The following SRD5A3 variants were observed in gnomAD, a reference collection of about 807,000 sequenced individuals.
The protein encoded by SRD5A3 is polyprenal reductase.
In SRD5A3, 24 loss-of-function variants were observed where a neutral mutation model predicts 34.3. The observed-to-expected ratio is 0.70, with a 90% confidence interval of 0.51 to 0.99. SRD5A3 has a LOEUF of 0.99. Among genes scored for constraint, SRD5A3 ranks in the 50% least tolerant of loss-of-function variants. The probability of loss-of-function intolerance (pLI) is 0.00; values close to 1 mark genes in which losing one functional copy is unlikely to be tolerated. For missense variants in SRD5A3, 350 were observed against 388.2 expected, an observed-to-expected ratio of 0.90 and a Z score of 0.83; for synonymous variants, 161 against 167.3, an observed-to-expected ratio of 0.96 and a Z score of 0.29.
At chr4:55,358,166 TC>T in intron 1 of SRD5A3, among the ~76,000 whole-genome samples, 6 of 152,068 alleles carry the variant, frequency 3.9e-5, no homozygotes, top group African/African-American at 1.4e-4. Context: ...CGCCAGGCAC[TC>T]AATAGAGTCA....
At chr4:55,362,266 T>G (rs1301800124) in intron 2 of SRD5A3, among the ~76,000 whole-genome samples, 2 of 151,880 alleles carry the variant, frequency 1.3e-5, no homozygotes, top group African/African-American at 2.4e-5. Flanking sequence ...TAGCTGGGAC[T>G]ACAGGCATGC....
chr4:55,351,270 C>T (rs1328847339), intron 1 of SRD5A3, among the ~76,000 whole-genome samples: 2 of 151,972 alleles, frequency 1.3e-5, no homozygotes, highest in East Asian at 1.9e-4. Context: ...CGGAGTTTCA[C>T]CATGTTGGCC....
intron 2 of SRD5A3, among the ~76,000 whole-genome samples, chr4:55,362,411 C>T (rs1455814393): frequency 6.6e-6 from 1 of 151,978 alleles, no homozygotes; most frequent in African/African-American, 2.4e-5. Flanking sequence ...CAGGCATGAG[C>T]CACCGCATCC....
In SRD5A3 at chr4:55,370,385, G is replaced by A; in HGVS notation, c.*294G>A. ...AAAGTAGATGAGACTTCTCCAAGCT[G>A]CTTCACAAGCAAACTAACCGAAAAA... On this transcript the variant is annotated 3_prime_UTR_variant, in exon 5 of 5. Coordinates refer to ENST00000264228, the MANE Select transcript of SRD5A3 (RefSeq NM_024592.5). 1 of 428,890 alleles carries A rather than the reference G, an allele frequency of 2.3e-6. No homozygotes were observed. The highest frequency in any genetic ancestry group is 4.3e-6 in the Non-Finnish European group (1 of 234,108). The allele number at this position is 428,890 out of a possible 1,614,324, so 26.6% of individuals were successfully genotyped here.
chr4:55,360,753 A>G (rs567655457), intron 2 of SRD5A3, among the ~76,000 whole-genome samples: 3 of 150,326 alleles, frequency 2.0e-5, no homozygotes, highest in Non-Finnish European at 3.0e-5. Flanking sequence ...CAATGGTGCA[A>G]TCTTGGCTCA....
chr4:55,362,962 C>T lies in SRD5A3; in HGVS notation c.365-1112C>T, dbSNP rs71599683. On this transcript the variant is annotated intron_variant, in intron 2 of 4. Transcript: ENST00000264228. ...CCAGGTTCAAGCAGTTCTACTACCTCAGCCTGCCAAGTAGCTGGTTCTACA... is the reference window on the plus strand; with the variant it reads ...CCAGGTTCAAGCAGTTCTACTACCTTAGCCTGCCAAGTAGCTGGTTCTACA... 7.5e-3 allele frequency among the ~76,000 whole-genome samples: 1,133 copies of T among 151,356 alleles called. 6 individuals are homozygous for T. Among genetic ancestry groups the T allele is most frequent in the Non-Finnish European group, 0.013 (858 of 67,870 alleles).
At chr4:55,346,730 C>G (rs1252686947) in intron 1 of SRD5A3, among the ~76,000 whole-genome samples, 173 bp downstream of exon 1, 1 of 152,164 alleles carries the variant, frequency 6.6e-6, no homozygotes, top group Non-Finnish European at 1.5e-5. Flanking sequence ...CATGCCCCGG[C>G]TGCTGCGTGG....
intron 1 of SRD5A3, among the ~76,000 whole-genome samples, chr4:55,355,267 G>A (rs924808741): frequency 7.2e-5 from 11 of 152,122 alleles, no homozygotes; most frequent in Admixed American, 3.3e-4. Flanking sequence ...GACCATCCTG[G>A]CTAACACGGT....
At chr4:55,358,321 A>C (rs1719547047) in intron 1 of SRD5A3, among the ~76,000 whole-genome samples, 2 of 152,100 alleles carry the variant, frequency 1.3e-5, no homozygotes, top group Non-Finnish European at 1.5e-5. Context: ...TCTTGAGCCC[A>C]GGAGTTTGAG....
Position 55,366,805 on chromosome 4 carries a change from G to A in SRD5A3, c.563-783G>A, listed in dbSNP as rs567278416. The A allele has an allele frequency of 4.6e-5, 7 of 152,454 alleles. No homozygotes were observed. In the East Asian group the frequency reaches 9.6e-4, roughly 21 times the overall value. The allele number at this position is 152,454 out of a possible 1,614,324, so 9.4% of individuals were successfully genotyped here. ...GACTAGGCTAACTGCTTCCTGCTGC[G>A]CAGAGGGAAGTCCCTGTTTGCTTTT... On this transcript the variant is annotated intron_variant, in intron 3 of 4. Coordinates refer to ENST00000264228, the MANE Select transcript of SRD5A3 (RefSeq NM_024592.5).
intron 1 of SRD5A3, among the ~76,000 whole-genome samples, chr4:55,357,670 G>A (rs1490781356): frequency 1.3e-5 from 2 of 152,216 alleles, no homozygotes; most frequent in Non-Finnish European, 2.9e-5. Flanking sequence ...TGTTCTGTGT[G>A]GCCAGAGATG....
chr4:55,348,983 A>C (rs1443562392), intron 1 of SRD5A3, among the ~76,000 whole-genome samples: 1 of 152,194 alleles, frequency 6.6e-6, no homozygotes, highest in African/African-American at 2.4e-5. Flanking sequence ...TGGTAACGTT[A>C]ACCTTGATAC....
chr4:55,369,947 G>C lies in SRD5A3; in HGVS notation c.813G>C (p.Gly271=), dbSNP rs1251777116. 7.4e-6 allele frequency: 12 copies of C among 1,613,998 alleles called. No homozygotes were observed. Among genetic ancestry groups the C allele is most frequent in the Non-Finnish European group, 9.3e-6 (11 of 1,180,048 alleles). Residue 271 remains glycine, a synonymous_variant, in exon 5 of 5, where the codon GGG becomes GGC. Transcript: ENST00000264228. ...ACGTTTCCATGGCCGTCACCTTTGG[G>C]TTCCACAACTTAACTTGGTGGCTAG... The part of the protein sequence containing the change: ...MIYVSMAVTF[G]FHNLTWWLVV...
intron 1 of SRD5A3, chr4:55,359,048 C>T (rs919892535): frequency 1.3e-4 from 52 of 389,074 alleles, no homozygotes; most frequent in Admixed American, 4.2e-4. Flanking sequence ...GAGTCCAATT[C>T]TGTTACCCAG....
In SRD5A3 at chr4:55,346,377, C is replaced by G. The variant is rs772938964; in HGVS notation, c.41C>G (p.Pro14Arg). 15 of 1,568,204 alleles carry G rather than the reference C, an allele frequency of 9.6e-6. No individual in the cohort carries two copies. Among genetic ancestry groups the G allele is most frequent in the Non-Finnish European group, 1.3e-5 (15 of 1,159,840 alleles). ...WAEAEHSALNPLRAVWLTLTA... is the reference protein window; with the variant it reads ...WAEAEHSALNRLRAVWLTLTA... The stretch of plus-strand genomic sequence containing the variant: ...GAGGCCGAGCACTCGGCGCTGAACC[C>G]GCTGCGCGCGGTGTGGCTCACGCTG... Residue 14 changes from proline (P) to arginine (R), a missense_variant, in exon 1 of 5, where the codon CCG (proline) becomes CGG (arginine). Pro to Arg is a moderately radical substitution (Grantham distance 103). Around this residue, in one of 3 missense-constraint regions of SRD5A3, gnomAD observed 159 missense variants for 149.1 expected, o/e 1.07. Coordinates refer to ENST00000264228, the MANE Select transcript of SRD5A3 (RefSeq NM_024592.5).
At chr4:55,365,459 C>G (rs1414418523) in intron 3 of SRD5A3, 6 of 152,236 alleles carry the variant, frequency 3.9e-5, no homozygotes, top group African/African-American at 1.4e-4. Context: ...CTTATTCCTC[C>G]CAGGCATGTC....
intron 1 of SRD5A3, among the ~76,000 whole-genome samples, chr4:55,351,071 A>AT (rs765504438): frequency 2.8e-3 from 383 of 138,688 alleles, no homozygotes; most frequent in South Asian, 2.5e-3. Flanking sequence ...CCTGGCCTAA[A>AT]TTTTTTTTTT....
intron 1 of SRD5A3, among the ~76,000 whole-genome samples, chr4:55,353,816 A>G (rs1444230823): frequency 6.6e-6 from 1 of 152,166 alleles, no homozygotes; most frequent in Non-Finnish European, 1.5e-5. Context: ...AACTCCAGAC[A>G]CATCTGAACA....
intron 1 of SRD5A3, among the ~76,000 whole-genome samples, chr4:55,355,999 C>CCTTTTTTTTT (rs1578204604): frequency 1.5e-5 from 1 of 65,920 alleles, no homozygotes; most frequent in Non-Finnish European, 3.4e-5. Flanking sequence ...CTTTTGCCTC[C>CCTTTTTTTTT]ATTTTTTTTT....
Sources: allele counts gnomAD v4.1 joint callset (sites outside exome capture counted in the v4.1 genomes callset), GRCh38; gene constraint gnomAD v4.1.1; regional missense constraint gnomAD v4.1.1; transcripts MANE v1.5; gene names NCBI Gene and HGNC (gene_info 2026-07-23, HGNC 2026-07-21).